The following GPC5 variants were observed in gnomAD, a reference collection of about 807,000 sequenced individuals.
GPC5 encodes the protein glypican-5.
In GPC5, 47 loss-of-function variants were observed where a neutral mutation model predicts 53.9. The ratio of observed to expected loss-of-function variants is 0.87; its 90% CI spans 0.69 to 1.11. The LOEUF (loss-of-function observed/expected upper bound fraction) is 1.11, where lower values mean the gene tolerates loss of function less well. GPC5 is among the 50% of genes most tolerant of loss of function. The pLI is 0.00. For missense variants in GPC5, 748 were observed against 713.1 expected (o/e 1.05, Z -0.56); for synonymous variants, 286 against 263.3 (o/e 1.09, Z -0.84).
intron 7 of GPC5, among the ~76,000 whole-genome samples, chr13:92,510,292 C>T (rs1351497616): frequency 6.6e-6 from 1 of 151,964 alleles, no homozygotes; most frequent in Non-Finnish European, 1.5e-5. Context: ...AAGTAAAATT[C>T]AAATAAATTA....
chr13:92,329,158 A>G (rs1267940663), intron 7 of GPC5, among the ~76,000 whole-genome samples: 5 of 152,132 alleles, frequency 3.3e-5, no homozygotes, highest in Non-Finnish European at 4.4e-5. Context: ...TTGAATCTCT[A>G]TAAAGAAATA....
chr13:92,500,366 A>G (rs960947953), intron 7 of GPC5, among the ~76,000 whole-genome samples: 1 of 152,168 alleles, frequency 6.6e-6, no homozygotes, highest in South Asian at 2.1e-4. Flanking sequence ...ATAAATGACA[A>G]AAGTCTCAAG....
At chr13:91,758,056 A>G (rs2037332683) in intron 5 of GPC5, among the ~76,000 whole-genome samples, 1 of 152,116 alleles carries the variant, frequency 6.6e-6, no homozygotes, top group Non-Finnish European at 1.5e-5. Context: ...TCACAGAAAA[A>G]AAAATTGAAG....
At chr13:91,852,265 A>G (rs2038922852) in intron 5 of GPC5, among the ~76,000 whole-genome samples, 1 of 146,076 alleles carries the variant, frequency 6.8e-6, no homozygotes, top group African/African-American at 2.6e-5. Flanking sequence ...ATTTTGTTAA[A>G]AACTAAGACT....
intron 6 of GPC5, among the ~76,000 whole-genome samples, chr13:92,101,447 C>T (rs959251108): frequency 4.6e-5 from 7 of 152,140 alleles, no homozygotes; most frequent in East Asian, 1.9e-4. Context: ...TCAGTTACCA[C>T]GGACTGGCCA....
chr13:91,966,106 G>A (rs980971833), intron 6 of GPC5, among the ~76,000 whole-genome samples: 1 of 152,086 alleles, frequency 6.6e-6, no homozygotes, highest in Admixed American at 6.6e-5. Flanking sequence ...TTCCTCATAC[G>A]GACACGTGAA....
intron 2 of GPC5, among the ~76,000 whole-genome samples, chr13:91,557,403 G>A (rs1429649858): frequency 1.3e-5 from 2 of 151,880 alleles, no homozygotes; most frequent in Non-Finnish European, 2.9e-5. Context: ...ACCTTGATTA[G>A]CAGATCTACT....
At chr13:91,898,664 C>T (rs1035675765) in intron 5 of GPC5, among the ~76,000 whole-genome samples, 1 of 138,452 alleles carries the variant, frequency 7.2e-6, no homozygotes, top group South Asian at 2.5e-4. Context: ...ATTTATGTTA[C>T]TGTCACCAAA....
intron 7 of GPC5, among the ~76,000 whole-genome samples, chr13:92,710,222 A>G (rs567465329): frequency 1.2e-4 from 19 of 152,306 alleles, no homozygotes; most frequent in African/African-American, 4.1e-4. Flanking sequence ...AAATGATGTT[A>G]AATATCAGAT....
chr13:91,569,107 A>G (rs1594266759), intron 2 of GPC5, among the ~76,000 whole-genome samples: 1 of 152,160 alleles, frequency 6.6e-6, no homozygotes, highest in Non-Finnish European at 1.5e-5. Flanking sequence ...TGTAAAATAC[A>G]CACTGTAAAC....
chr13:91,411,826 T>A (rs1455520065), intron 1 of GPC5, among the ~76,000 whole-genome samples: 1 of 152,208 alleles, frequency 6.6e-6, no homozygotes, highest in East Asian at 1.9e-4. Flanking sequence ...GATAACACTT[T>A]ATATACTTTA....
chr13:91,473,827 T>A (rs1340354331), intron 2 of GPC5, among the ~76,000 whole-genome samples: 1 of 152,142 alleles, frequency 6.6e-6, no homozygotes, highest in African/African-American at 2.4e-5. Context: ...AAAAATAGTG[T>A]TTTTCTTCCT....
chr13:92,164,578 T>C (rs1441508798), intron 7 of GPC5, among the ~76,000 whole-genome samples: 2 of 152,212 alleles, frequency 1.3e-5, no homozygotes, highest in Non-Finnish European at 2.9e-5. Flanking sequence ...CCCTCCGTCC[T>C]GACTGCTTTC....
intron 7 of GPC5, among the ~76,000 whole-genome samples, chr13:92,173,748 G>C (rs1435461024): frequency 4.6e-5 from 7 of 152,106 alleles, no homozygotes; most frequent in African/African-American, 1.7e-4. Context: ...TAAGACCCTT[G>C]ATGTAATCAA....
intron 2 of GPC5, among the ~76,000 whole-genome samples, chr13:91,504,540 A>G (rs755846668): frequency 1.2e-4 from 19 of 152,152 alleles, no homozygotes; most frequent in South Asian, 6.2e-4. Flanking sequence ...ATATAACAGC[A>G]ACTACTTCGA....
At chr13:92,206,489 A>G (rs1217764635) in intron 7 of GPC5, among the ~76,000 whole-genome samples, 1 of 151,794 alleles carries the variant, frequency 6.6e-6, no homozygotes, top group African/African-American at 2.4e-5. Context: ...CCCGGCTGTC[A>G]TGCCATGTAT....
chr13:91,942,027 C>T (rs1018345888), intron 6 of GPC5, among the ~76,000 whole-genome samples: 1 of 152,096 alleles, frequency 6.6e-6, no homozygotes, highest in South Asian at 2.1e-4. Flanking sequence ...ATTAACATAT[C>T]CATCAACTCT....
At chr13:91,899,358 A>C in intron 5 of GPC5, among the ~76,000 whole-genome samples, 1 of 152,188 alleles carries the variant, frequency 6.6e-6, no homozygotes, top group East Asian at 1.9e-4. Context: ...GAATTAGAGT[A>C]AAAACATAAA....
At chr13:92,585,583 A>G (rs1168272203) in intron 7 of GPC5, among the ~76,000 whole-genome samples, 1 of 152,176 alleles carries the variant, frequency 6.6e-6, no homozygotes, top group Non-Finnish European at 1.5e-5. Context: ...TAATGCTGCA[A>G]TGAGATAAGA....
Sources: allele counts gnomAD v4.1 joint callset (sites outside exome capture counted in the v4.1 genomes callset), GRCh38; gene constraint gnomAD v4.1.1; transcripts MANE v1.5; gene names NCBI Gene and HGNC (gene_info 2026-07-23, HGNC 2026-07-21).